The following HDX variants were observed in gnomAD, a reference collection of about 807,000 sequenced individuals.
HDX encodes the protein highly divergent homeobox, also known as chromosome X open reading frame 43.
Under a neutral mutation model 45.2 loss-of-function variants are expected in HDX, and 19 were observed. That is an observed-to-expected ratio of 0.42 (90% CI 0.29 to 0.62). The LOEUF (loss-of-function observed/expected upper bound fraction) is 0.62, where lower values mean the gene tolerates loss of function less well. Among genes scored for constraint, HDX ranks in the 20% least tolerant of loss-of-function variants. The pLI, the probability that HDX is intolerant of heterozygous loss-of-function variation, is 0.20. For missense variants in HDX, 532 were observed against 493.9 expected (o/e 1.08, Z -0.73); for synonymous variants, 188 against 172.8 (o/e 1.09, Z -0.69).
At chrX:84,428,136 C>T (rs749793016) in intron 5 of HDX, among the ~76,000 whole-genome samples, 45 of 110,055 alleles carry the variant, frequency 4.1e-4, no homozygotes, top group South Asian at 7.6e-4. Flanking sequence ...GGGTTTGTTC[C>T]CTTATCGAGT....
Position 84,318,094 on chromosome X carries a change from C to T in HDX, c.*3795G>A, listed in dbSNP as rs185378857. 3.6e-5 allele frequency: 4 copies of T among 110,960 alleles called. No homozygotes were observed. In the East Asian group the frequency reaches 1.1e-3, roughly 31 times the overall value. The allele number at this position is 110,960 out of a possible 1,213,427, so 9.1% of individuals were successfully genotyped here. On this transcript the variant is annotated 3_prime_UTR_variant, in exon 11 of 11. Coordinates refer to ENST00000373177, the MANE Select transcript of HDX (RefSeq NM_001177479.2). ...ACACTCAGTATATATTTTAATGAAACAATTTTAATTATATTTGCTTGAAAA... is the reference window on the plus strand; with the variant it reads ...ACACTCAGTATATATTTTAATGAAATAATTTTAATTATATTTGCTTGAAAA...
At chrX:84,404,388 C>T (rs1452635121) in intron 5 of HDX, among the ~76,000 whole-genome samples, 2 of 111,263 alleles carry the variant, frequency 1.8e-5, no homozygotes, top group African/African-American at 3.3e-5. Flanking sequence ...TGGCATGATT[C>T]GACAAACTTA....
At chrX:84,343,496 C>G (rs895274719) in intron 7 of HDX, among the ~76,000 whole-genome samples, 2 of 110,875 alleles carry the variant, frequency 1.8e-5, no homozygotes, top group Non-Finnish European at 3.8e-5. Flanking sequence ...TTATGTTGCC[C>G]TGGCTGATTT....
At chrX:84,388,496 T>C (rs777059273) in intron 5 of HDX, among the ~76,000 whole-genome samples, 21 of 112,081 alleles carry the variant, frequency 1.9e-4, no homozygotes, top group Admixed American at 1.1e-3. Flanking sequence ...TGTTCATTTT[T>C]CTTAATTCTT....
intron 1 of HDX, among the ~76,000 whole-genome samples, chrX:84,492,270 C>A (rs1270928689): frequency 1.8e-5 from 2 of 110,257 alleles, no homozygotes; most frequent in Non-Finnish European, 3.8e-5. Flanking sequence ...TCATTATTTT[C>A]TATTTTTTTC....
At chrX:84,405,742 G>T (rs757532466) in intron 5 of HDX, among the ~76,000 whole-genome samples, 18 of 106,594 alleles carry the variant, frequency 1.7e-4, no homozygotes, top group Non-Finnish European at 3.1e-4. Flanking sequence ...TCTCTTCTTG[G>T]AGCAAACATG....
At chrX:84,385,794 T>A (rs1205172218) in intron 5 of HDX, among the ~76,000 whole-genome samples, 1 of 108,057 alleles carries the variant, frequency 9.3e-6, no homozygotes, top group African/African-American at 3.4e-5. Context: ...AATCATATCG[T>A]CAACAGAGAG....
chrX:84,339,648 GA>G (rs2037042383), intron 7 of HDX, among the ~76,000 whole-genome samples: 1 of 111,356 alleles, frequency 9.0e-6, no homozygotes, highest in Non-Finnish European at 1.9e-5. Flanking sequence ...AATTCCCCAA[GA>G]AAAGCAGCTC....
chrX:84,334,666 A>G (rs1457026089), intron 8 of HDX, among the ~76,000 whole-genome samples: 1 of 104,989 alleles, frequency 9.5e-6, no homozygotes, highest in African/African-American at 3.6e-5. Flanking sequence ...TTTTTTAAAA[A>G]AAAAGCAAAA....
At chrX:84,432,571 G>A in intron 5 of HDX, among the ~76,000 whole-genome samples, 1 of 110,307 alleles carries the variant, frequency 9.1e-6, no homozygotes, top group African/African-American at 3.3e-5. Context: ...GTATTCTTAG[G>A]TTTTTTTTGT....
At chrX:84,337,465 T>G (rs1351368414) in intron 7 of HDX, among the ~76,000 whole-genome samples, 1 of 111,639 alleles carries the variant, frequency 9.0e-6, no homozygotes, top group African/African-American at 3.2e-5. Context: ...TTTTGCTTAT[T>G]TGTGTTTAAA....
rs1304148368 is a variant in HDX, at chrX:84,386,897, TG to T, written c.1306-25286del. On this transcript the variant is annotated intron_variant, in intron 5 of 10. Coordinates refer to ENST00000373177, the MANE Select transcript of HDX (RefSeq NM_001177479.2). ...TCTTCTGCTAGCTTTGGGGTTGATTTGTTTCTTTTTTTTCCCTAGTTCCTTT... is the reference window on the plus strand; with the variant it reads ...TCTTCTGCTAGCTTTGGGGTTGATTTTTTCTTTTTTTTCCCTAGTTCCTTT... 1.3e-4 allele frequency among the ~76,000 whole-genome samples: 15 copies of T among 111,558 alleles called. No homozygotes were observed. The Admixed American group carries it at 1.4e-3, about 11-fold the overall frequency.
rs201755840 is a variant in HDX, at chrX:84,468,689, G to A, written c.1034C>T (p.Pro345Leu). 68 of 1,208,744 alleles carry A rather than the reference G, an allele frequency of 5.6e-5. No homozygotes were observed. The East Asian group carries it at 1.5e-3, about 26-fold the overall frequency. Residue 345 changes from proline (P) to leucine (L), a missense_variant, in exon 4 of 11, where the codon CCA becomes CTA. Pro to Leu is a moderately conservative substitution (Grantham distance 98, BLOSUM62 -3). Transcript: ENST00000373177. ...AENQSTTLPG[P>L]GRNMPNSQMV... ...TTGTGAATTTGGCATATTTCTTCCT[G>A]GTCCGGGCAAGGTTGTACTTTGGTT...
In HDX at chrX:84,469,316, A is replaced by T. The variant is rs746098137; in HGVS notation, c.407T>A (p.Ile136Asn). ...TDTQITEAHK[I>N]PIQKTATKND... The stretch of plus-strand genomic sequence containing the variant: ...TTTAGTGGCTGTTTTCTGAATAGGG[A>T]TTTTATGTGCTTCTGTAATTTGTGT... Residue 136 changes from isoleucine (I) to asparagine (N), a missense_variant, in exon 4 of 11, where the codon ATC becomes AAC. By Grantham distance (149) the Ile-to-Asn change is moderately radical. This residue lies in a region of HDX where 376 missense variants were observed against 343.7 expected (regional missense o/e 1.09). Transcript: ENST00000373177. 142 of 1,209,053 alleles carry T rather than the reference A, an allele frequency of 1.2e-4. No homozygotes were observed. Among genetic ancestry groups the T allele is most frequent in the Non-Finnish European group, 1.4e-4 (122 of 894,924 alleles).
chrX:84,412,589 G>C (rs1007730214), intron 5 of HDX, among the ~76,000 whole-genome samples: 2 of 111,252 alleles, frequency 1.8e-5, no homozygotes, highest in African/African-American at 6.5e-5. Context: ...CTTCTGTCTA[G>C]CTGCCTTTAA....
intron 5 of HDX, among the ~76,000 whole-genome samples, chrX:84,404,811 C>A (rs1457864077): frequency 1.8e-5 from 2 of 111,230 alleles, no homozygotes; most frequent in Admixed American, 9.6e-5. Context: ...AATATTACTT[C>A]TTGGAAAACA....
intron 7 of HDX, among the ~76,000 whole-genome samples, chrX:84,340,494 A>G (rs192409886): frequency 1.8e-5 from 2 of 110,774 alleles, no homozygotes; most frequent in African/African-American, 6.5e-5. Flanking sequence ...TTTTTTCTTT[A>G]TATTTCTTAG....
chrX:84,462,402 C>G lies in HDX; in HGVS notation c.1251+6070G>C, dbSNP rs778215631. On this transcript the variant is annotated intron_variant, in intron 4 of 10. Transcript: ENST00000373177. ...GGAACTGGAGGTCATTATGTTAAGT[C>G]GAATAAGCCAGGCACAGAAAGACAA... Among the ~76,000 whole-genome samples, 10 of 111,672 alleles carry G rather than the reference C, an allele frequency of 9.0e-5. No individual in the cohort carries two copies. In the South Asian group the frequency reaches 1.1e-3, roughly 12 times the overall value.
intron 2 of HDX, among the ~76,000 whole-genome samples, chrX:84,477,430 C>T (rs1256384053): frequency 8.9e-6 from 1 of 111,792 alleles, no homozygotes; most frequent in Non-Finnish European, 1.9e-5. Context: ...AGGTCCTTCC[C>T]CATTGATACC....
Sources: gnomAD v4.1 joint callset for allele counts (sites outside exome capture counted in the v4.1 genomes callset) on GRCh38, gnomAD v4.1.1 for gene constraint, gnomAD v4.1.1 regional missense constraint, MANE v1.5 for transcripts, NCBI Gene and HGNC (gene_info 2026-07-23, HGNC 2026-07-21) for gene names.